Variants in SUMF2 observed in about 807,000 individuals in gnomAD.
The protein encoded by SUMF2 is inactive C-alpha-formylglycine-generating enzyme 2.
In SUMF2, 45 loss-of-function variants were observed where a neutral mutation model predicts 44.8. The ratio of observed to expected loss-of-function variants is 1.00; its 90% CI spans 0.79 to 1.29. The LOEUF (loss-of-function observed/expected upper bound fraction) is 1.29. SUMF2 is among the 50% of genes most tolerant of loss of function. The pLI is 0.00. For synonymous variants in SUMF2, 148 were observed against 150.4 expected (o/e 0.98, Z 0.12); for missense variants, 418 against 389.9 (o/e 1.07, Z -0.61).
intron 1 of SUMF2, 125 bp downstream of exon 1, chr7:56,064,503 G>T (rs528827276): frequency 7.5e-7 from 1 of 1,330,954 alleles, no homozygotes; most frequent in East Asian, 2.8e-5. Flanking sequence ...AGGCTGGGGA[G>T]GTAGCTCTCG....
chr7:56,082,010 GGCCAGCA>G, downstream of SUMF2: 1 of 1,613,896 alleles, frequency 6.2e-7, no homozygotes, highest in Admixed American at 1.7e-5. Flanking sequence ...GCGGGGAGCC[GGCCAGCA>G]GCGTGTACAT....
intron 5 of SUMF2, among the ~76,000 whole-genome samples, chr7:56,076,377 G>A (rs1795550281): frequency 6.6e-6 from 1 of 151,802 alleles, no homozygotes; most frequent in South Asian, 2.1e-4. Flanking sequence ...GGCCAGGCTG[G>A]TCTCGAACTC....
intron 6 of SUMF2, 116 bp downstream of exon 6, chr7:56,077,005 C>A: frequency 1.5e-5 from 12 of 821,956 alleles, no homozygotes; most frequent in East Asian, 2.9e-5. Context: ...ACTGATGACT[C>A]ATAAGCTGGT....
chr7:56,083,255 G>T, downstream of SUMF2: 1 of 1,611,394 alleles, frequency 6.2e-7, no homozygotes, highest in Non-Finnish European at 8.5e-7. Flanking sequence ...GCCTGGACGT[G>T]GGCCAAGGCC....
At position 56,076,821 on chromosome 7, in the gene SUMF2, G is replaced by A; in HGVS notation, c.536-13G>A. On this transcript the variant is annotated splice_polypyrimidine_tract_variant and intron_variant, in intron 5 of 8. Coordinates refer to ENST00000434526, the MANE Select transcript of SUMF2 (RefSeq NM_015411.4). The stretch of plus-strand genomic sequence containing the variant: ...CCTCCCCCTCCTCTGCTGCCTCCTT[G>A]CTCTCCTCGCAGGTCAAGTTTACCC... The A allele has an allele frequency of 1.3e-6, 2 of 1,587,748 alleles. No homozygotes were observed. The highest frequency in any genetic ancestry group is 8.6e-7 in the Non-Finnish European group (1 of 1,165,620).
At chr7:56,067,889 G>C (rs1794906948) in intron 1 of SUMF2, among the ~76,000 whole-genome samples, 1 of 131,904 alleles carries the variant, frequency 7.6e-6, no homozygotes, top group African/African-American at 2.8e-5. Context: ...GCGAGATCCT[G>C]TCACGAAAAA....
chr7:56,076,502 C>A, intron 5 of SUMF2: 1 of 219,510 alleles, frequency 4.6e-6, no homozygotes, highest in Non-Finnish European at 8.9e-6. Flanking sequence ...TTGCCTCTGG[C>A]TCATTCATTT....
downstream of SUMF2, among the ~76,000 whole-genome samples, chr7:56,082,915 G>A (rs534258196): frequency 9.2e-4 from 140 of 152,108 alleles, 1 homozygote; most frequent in Non-Finnish European, 1.5e-3. Context: ...AGACCAGCCT[G>A]ACCAACATGG....
intron 7 of SUMF2, 49 bp from the exon 8 acceptor site, chr7:56,078,315 G>A (rs920510059): frequency 1.3e-6 from 2 of 1,558,896 alleles, no homozygotes; most frequent in Admixed American, 3.7e-5. Context: ...AGGGTAGGCG[G>A]GGTGGTCGGC....
chr7:56,065,207 AAAAAAGG>A (rs1794699585), intron 1 of SUMF2, among the ~76,000 whole-genome samples: 1 of 151,184 alleles, frequency 6.6e-6, no homozygotes, highest in Non-Finnish European at 1.5e-5. Flanking sequence ...AAAAAAAAAA[AAAAAAGG>A]AAAAAGGAGA....
intron 1 of SUMF2, among the ~76,000 whole-genome samples, chr7:56,067,446 G>A (rs2117395192): frequency 6.6e-6 from 1 of 152,126 alleles, no homozygotes; most frequent in South Asian, 2.1e-4. Flanking sequence ...TCTGCACCCT[G>A]TCTCTGAGCC....
intron 1 of SUMF2, among the ~76,000 whole-genome samples, chr7:56,066,361 A>G (rs1375559302): frequency 1.3e-5 from 2 of 152,190 alleles, no homozygotes; most frequent in African/African-American, 4.8e-5. Flanking sequence ...CCTGCTAACC[A>G]GCTCTTTAAG....
intron 2 of SUMF2, 59 bp from the exon 3 acceptor site, chr7:56,072,938 A>G: frequency 7.8e-7 from 1 of 1,278,422 alleles, no homozygotes; most frequent in Non-Finnish European, 1.1e-6. Flanking sequence ...CTGGAGCAGG[A>G]GAAGATGGGG....
downstream of SUMF2, chr7:56,083,359 T>C: frequency 6.2e-7 from 1 of 1,614,136 alleles, no homozygotes; most frequent in Non-Finnish European, 8.5e-7. Flanking sequence ...TCCAAGAGAA[T>C]GTTCTCGGGC....
At chr7:56,067,340 G>T (rs1794871584) in intron 1 of SUMF2, among the ~76,000 whole-genome samples, 1 of 151,562 alleles carries the variant, frequency 6.6e-6, no homozygotes, top group Non-Finnish European at 1.5e-5. Flanking sequence ...TTTGAGACAG[G>T]GTCTCACTCT....
intron 1 of SUMF2, among the ~76,000 whole-genome samples, chr7:56,067,721 C>T (rs1270370939): frequency 1.3e-5 from 2 of 151,460 alleles, no homozygotes; most frequent in Non-Finnish European, 2.9e-5. Context: ...AACAAAACCC[C>T]ATCTCTACAA....
At chr7:56,067,472 A>T (rs1486911953) in intron 1 of SUMF2, among the ~76,000 whole-genome samples, 2 of 152,088 alleles carry the variant, frequency 1.3e-5, no homozygotes, top group African/African-American at 4.8e-5. Context: ...TCCTGGTTCC[A>T]TGTTATTTTA....
chr7:56,085,798 C>G, the SUMF2 span, among the ~76,000 whole-genome samples: 1 of 152,098 alleles, frequency 6.6e-6, no homozygotes, highest in East Asian at 1.9e-4. Context: ...AACCCTGTCT[C>G]TACTAAAACA....
chr7:56,087,737 G>C, the SUMF2 span: 2 of 1,613,312 alleles, frequency 1.2e-6, no homozygotes, highest in African/African-American at 2.7e-5. Flanking sequence ...CCTGGCTCGT[G>C]GGCTTGTGGA....
Sources: allele counts gnomAD v4.1 joint callset (sites outside exome capture counted in the v4.1 genomes callset), GRCh38; gene constraint gnomAD v4.1.1; transcripts MANE v1.5; gene names NCBI Gene and HGNC (gene_info 2026-07-23, HGNC 2026-07-21).